The following TRPM7 variants were observed in gnomAD, a reference collection of about 807,000 sequenced individuals.
TRPM7 encodes LTRPC ion channel family member 7.
A neutral mutation model predicts 229.7 loss-of-function variants in TRPM7; 134 were observed. The ratio of observed to expected loss-of-function variants is 0.58; its 90% confidence interval spans 0.51 to 0.67. TRPM7 has a LOEUF of 0.67. Ranked by LOEUF, TRPM7 falls within the 30% of genes least tolerant of loss-of-function variation. The pLI, the probability that TRPM7 is intolerant of heterozygous loss-of-function variation, is 0.00. For missense variants in TRPM7, 1,901 were observed against 2,210.0 expected (o/e 0.86, Z 2.80); for synonymous variants, 699 against 715.2 (o/e 0.98, Z 0.36).
At chr15:50,565,157 T>C (rs2053539343) in intron 38 of TRPM7, among the ~76,000 whole-genome samples, 1 of 152,046 alleles carries the variant, frequency 6.6e-6, no homozygotes, top group Admixed American at 6.6e-5. Flanking sequence ...AATTTTTGTA[T>C]TTTTAGTAGA....
In TRPM7 at chr15:50,592,492, G is replaced by A; in HGVS notation, c.3743C>T (p.Thr1248Ile). The change falls in exon 26 of 39, where the codon ACA becomes ATA. Residue 1248 changes from threonine to isoleucine, a missense_variant. Transcript: ENST00000646667. ...TTCCGACGCTTTCTGGGCAGTGAGT[G>A]TTTTTAATGTATCTACCGTCAGGGC... ...LSALTVDTLK[T>I]LTAQKASEAS... 1 of 1,614,108 alleles carries A rather than the reference G, an allele frequency of 6.2e-7. No homozygotes were observed. Among genetic ancestry groups the A allele is most frequent in the Non-Finnish European group, 8.5e-7 (1 of 1,180,018 alleles).
In TRPM7 at chr15:50,573,764, T is replaced by C. The variant is rs559831018; in HGVS notation, c.5308+510A>G. On this transcript the variant is annotated intron_variant, in intron 36 of 38. Coordinates refer to ENST00000646667, the MANE Select transcript of TRPM7 (RefSeq NM_017672.6). ...CAAAACATCTGTATTATCTTAACCA[T>C]AATTTAGATAGCCAGGCCGGGTGTG... 2.2e-3 allele frequency among the ~76,000 whole-genome samples: 330 copies of C among 152,312 alleles called. 2 individuals carry two copies. Among genetic ancestry groups the C allele is most frequent in the Non-Finnish European group, 2.7e-3 (187 of 68,018 alleles).
chr15:50,593,810 A>G (rs755648100), intron 24 of TRPM7, 61 bp from the exon 25 acceptor site: 76 of 1,508,638 alleles, frequency 5.0e-5, no homozygotes, highest in Non-Finnish European at 6.3e-5. Flanking sequence ...ACTTTAGCTC[A>G]TAATTCTTAC....
In TRPM7 at chr15:50,632,896, C is replaced by G. The variant is rs368779225; in HGVS notation, c.1104G>C (p.Leu368=). Residue 368 remains leucine (L), a synonymous_variant, in exon 9 of 39, where the codon CTG becomes CTC. Transcript: ENST00000646667. Reference sequence around the variant, plus strand: ...GCTCCTTTCTTTTCATGCACTCCATCAGTGTTTGAAATAAATGAAGTGCTT... The same window carrying G: ...GCTCCTTTCTTTTCATGCACTCCATGAGTGTTTGAAATAAATGAAGTGCTT... ...QNEALHLFQT[L]MECMKRKELI... The G allele has an allele frequency of 1.3e-6, 2 of 1,583,986 alleles. No homozygotes were observed. The highest frequency in any genetic ancestry group is 1.7e-6 in the Non-Finnish European group (2 of 1,168,370).
chr15:50,595,503 A>G (rs1305045047), intron 23 of TRPM7, among the ~76,000 whole-genome samples: 1 of 151,858 alleles, frequency 6.6e-6, no homozygotes, highest in Non-Finnish European at 1.5e-5. Context: ...TAGACTGGAG[A>G]AGAATATTTG....
intron 29 of TRPM7, among the ~76,000 whole-genome samples, chr15:50,581,116 G>A (rs1278388092): frequency 6.6e-6 from 1 of 152,066 alleles, no homozygotes; most frequent in Non-Finnish European, 1.5e-5. Flanking sequence ...CAACAAGGTG[G>A]AATAAAAAAT....
intron 1 of TRPM7, among the ~76,000 whole-genome samples, chr15:50,679,538 A>AATATATATATATATATATATATAT: frequency 2.3e-5 from 1 of 43,902 alleles, no homozygotes; most frequent in South Asian, 7.1e-4. Flanking sequence ...ATATATATAT[A>AATATATATATATATATATATATAT]TTTTTTTTTT....
intron 26 of TRPM7, among the ~76,000 whole-genome samples, chr15:50,591,631 G>A (rs1412853074): frequency 6.6e-6 from 1 of 151,884 alleles, no homozygotes; most frequent in Non-Finnish European, 1.5e-5. Flanking sequence ...TGAGTAGCTG[G>A]GACTTCAGGC....
At chr15:50,590,299 A>G (rs1248581318) in intron 26 of TRPM7, among the ~76,000 whole-genome samples, 1 of 152,238 alleles carries the variant, frequency 6.6e-6, no homozygotes, top group Non-Finnish European at 1.5e-5. Context: ...AAAGCATTAC[A>G]TATATACGGA....
At chr15:50,588,330 A>T in intron 27 of TRPM7, 1 of 519,684 alleles carries the variant, frequency 1.9e-6, no homozygotes, top group Non-Finnish European at 2.5e-6. Context: ...GGTAATCATT[A>T]CACCTCAATT....
At chr15:50,581,655 T>C (rs2054420193) in intron 29 of TRPM7, among the ~76,000 whole-genome samples, 1 of 152,084 alleles carries the variant, frequency 6.6e-6, no homozygotes, top group South Asian at 2.1e-4. Context: ...ATATGGTTTT[T>C]ATTCTGCAGT....
chr15:50,661,883 T>C (rs2061733669), intron 2 of TRPM7, among the ~76,000 whole-genome samples: 1 of 152,200 alleles, frequency 6.6e-6, no homozygotes, highest in Admixed American at 6.6e-5. Context: ...TAACTATATC[T>C]TAGATTTCCT....
intron 20 of TRPM7, 118 bp downstream of exon 20, chr15:50,607,082 C>T (rs2059935722): frequency 1.2e-6 from 1 of 863,716 alleles, no homozygotes; most frequent in Non-Finnish European, 1.7e-6. Context: ...AGGTTCTACA[C>T]TTCTACAATG....
intron 38 of TRPM7, 26 bp from the exon 39 acceptor site, chr15:50,561,834 A>C (rs1310934897): frequency 1.0e-6 from 1 of 1,004,718 alleles, no homozygotes; most frequent in Non-Finnish European, 1.3e-6. Flanking sequence ...ACAACAATTA[A>C]AAAAAAAAAA....
At chr15:50,675,515 G>A (rs754415896) in intron 1 of TRPM7, among the ~76,000 whole-genome samples, 16 of 151,938 alleles carry the variant, frequency 1.1e-4, no homozygotes, top group Admixed American at 5.9e-4. Context: ...CACAGGAATC[G>A]GCTTCACAAA....
At position 50,609,630 on chromosome 15, in the gene TRPM7, T is replaced by G. The variant is rs750428645; in HGVS notation, c.2531A>C (p.Lys844Thr). The G allele has an allele frequency of 1.2e-6, 2 of 1,612,632 alleles. No homozygotes were observed. The highest frequency in any genetic ancestry group is 1.7e-6 in the Non-Finnish European group (2 of 1,179,426). Residue 844 changes from lysine to threonine, a missense_variant, in exon 19 of 39, where the codon AAG becomes ACG. Transcript: ENST00000646667. ...MKSKKLPITR[K>T]FYAFYHAPIV... ...TGGTGCATGATAAAAGGCATAAAAC[T>G]TTCGCGTAATTGGAAGCTTTTTTGA...
chr15:50,567,723 T>G (rs890790764), intron 38 of TRPM7, among the ~76,000 whole-genome samples: 1 of 151,762 alleles, frequency 6.6e-6, no homozygotes, highest in Non-Finnish European at 1.5e-5. Context: ...AAAAACCACA[T>G]GATCATACCA....
intron 29 of TRPM7, 26 bp downstream of exon 29, chr15:50,583,057 AATATAT>A: frequency 7.0e-7 from 1 of 1,431,334 alleles, no homozygotes; most frequent in Non-Finnish European, 9.4e-7. Context: ...TGTATTTAAT[AATATAT>A]ATCTGTTTAG....
intron 23 of TRPM7, among the ~76,000 whole-genome samples, chr15:50,595,450 A>C (rs534324546): frequency 6.6e-6 from 1 of 152,026 alleles, no homozygotes; most frequent in Non-Finnish European, 1.5e-5. Context: ...CTAGATTGAA[A>C]AATTATGGTC....
Sources: allele counts gnomAD v4.1 joint callset (sites outside exome capture counted in the v4.1 genomes callset), GRCh38; gene constraint gnomAD v4.1.1; transcripts MANE v1.5; gene names NCBI Gene and HGNC (gene_info 2026-07-23, HGNC 2026-07-21).